Variants in TKTL1 observed in about 807,000 individuals in gnomAD.
The protein encoded by TKTL1 is transketolase-like protein 1.
In TKTL1, 1 loss-of-function variant was observed where a neutral mutation model predicts 39.3. That is an observed-to-expected ratio of 0.03 (90% CI 0.01 to 0.12). The LOEUF is 0.12. TKTL1 is among the 10% of genes least tolerant of loss of function. The probability of loss-of-function intolerance (pLI) is 1.00; values close to 1 mark genes in which losing one functional copy is unlikely to be tolerated. For missense variants in TKTL1, 575 were observed against 509.6 expected (o/e 1.13, Z -1.24); for synonymous variants, 262 against 193.8 (o/e 1.35, Z -2.92).
At chrX:154,297,415 C>T (rs782150876) in intron 1 of TKTL1, among the ~76,000 whole-genome samples, 1 of 110,708 alleles carries the variant, frequency 9.0e-6, no homozygotes, top group Non-Finnish European at 1.9e-5. Flanking sequence ...GCCACCACGC[C>T]TGGCTAATTT....
In TKTL1 at chrX:154,329,584, G is replaced by A; in HGVS notation, c.1687G>A (p.Val563Met). Residue 563 changes from valine to methionine, a missense_variant, in exon 13 of 13, where the codon GTG becomes ATG. Transcript: ENST00000369915. ...DPDIQVHSLAVSGVPQSGKSE... is the reference protein window; with the variant it reads ...DPDIQVHSLAMSGVPQSGKSE... ...TGACATTCAGGTTCATTCGCTGGCA[G>A]TGTCGGGAGTGCCCCAGAGTGGGAA... is the stretch of plus-strand genomic sequence containing the variant. 5 of 1,211,872 alleles carry A rather than the reference G, an allele frequency of 4.1e-6. No individual in the cohort carries two copies. The highest frequency in any genetic ancestry group is 5.6e-6 in the Non-Finnish European group (5 of 895,351).
chrX:154,329,018 G>A (rs2067516906), intron 12 of TKTL1, among the ~76,000 whole-genome samples: 1 of 112,340 alleles, frequency 8.9e-6, no homozygotes, highest in South Asian at 3.6e-4. Flanking sequence ...GTGTACTGGG[G>A]GCAGGTCCTG....
At chrX:154,314,007 CG>C (rs1193975508) in intron 6 of TKTL1, among the ~76,000 whole-genome samples, 1 of 108,826 alleles carries the variant, frequency 9.2e-6, no homozygotes, top group Non-Finnish European at 1.9e-5. Context: ...GTGTAAAAAG[CG>C]GGGGGACCAT....
chrX:154,312,763 T>C lies in TKTL1; in HGVS notation c.854T>C (p.Val285Ala). The change falls in exon 6 of 13, where the codon GTT (valine) becomes GCT (alanine). Residue 285 changes from valine (V) to alanine (A), a missense_variant. Coordinates refer to ENST00000369915, the MANE Select transcript of TKTL1 (RefSeq NM_012253.4). ...VRMTSPPDYRVGDKIATRKAC... is the reference protein window; with the variant it reads ...VRMTSPPDYRAGDKIATRKAC... ...ATGACCTCTCCACCTGATTACAGAG[T>C]TGGTGACAAGGTAGGCAGAAAGGTG... 1.7e-6 allele frequency: 2 copies of C among 1,201,712 alleles called. No individual in the cohort carries two copies. Among genetic ancestry groups the C allele is most frequent in the South Asian group, 3.6e-5 (2 of 55,600 alleles).
intron 8 of TKTL1, 101 bp from the exon 9 acceptor site, chrX:154,323,106 G>T: frequency 1.9e-6 from 2 of 1,061,783 alleles, no homozygotes; most frequent in Non-Finnish European, 2.5e-6. Context: ...GGGACACCCC[G>T]TGGCAATAGG....
At chrX:154,311,963 C>T (rs2067361332) in intron 5 of TKTL1, among the ~76,000 whole-genome samples, 1 of 110,747 alleles carries the variant, frequency 9.0e-6, no homozygotes. Context: ...TCTCTACTAC[C>T]ATGACTGTTG....
At chrX:154,309,510 G>A (rs1603352297) in intron 3 of TKTL1, 68 bp downstream of exon 3, 1 of 919,324 alleles carries the variant, frequency 1.1e-6, no homozygotes, top group East Asian at 3.1e-5. Flanking sequence ...GTCTCGGGGG[G>A]CAGCCACCTA....
At position 154,327,895 on chromosome X, in the gene TKTL1, A is replaced by G. The variant is rs1557172325; in HGVS notation, c.1555A>G (p.Ile519Val). Residue 519 changes from isoleucine to valine, a missense_variant, in exon 12 of 13, where the codon ATC (isoleucine) becomes GTC (valine). Coordinates refer to ENST00000369915, the MANE Select transcript of TKTL1 (RefSeq NM_012253.4). ...FTIKPLDVAT[I>V]VSSAKATEGR... The stretch of plus-strand genomic sequence containing the variant: ...CATTAAACCTCTGGATGTCGCCACC[A>G]TCGTCTCCAGTGCAAAAGCCACAGA... The G allele has an allele frequency of 2.5e-6, 3 of 1,211,626 alleles. No individual in the cohort carries two copies. Among genetic ancestry groups the G allele is most frequent in the Admixed American group, 4.3e-5 (2 of 46,029 alleles).
chrX:154,320,555 G>GC (rs2067440872), intron 7 of TKTL1: 1 of 439,643 alleles, frequency 2.3e-6, no homozygotes, highest in African/African-American at 2.4e-5. Flanking sequence ...CTCCCTAGGA[G>GC]CTATGAGTTG....
In TKTL1 at chrX:154,297,764, C is replaced by T. The variant is rs1446387687; in HGVS notation, c.134+1771C>T. ...AGATCAGCCTGGGCAAGATGGCAATCCCCTGTGCAGAATGTTACAAAAATT... is the reference window on the plus strand; with the variant it reads ...AGATCAGCCTGGGCAAGATGGCAATTCCCTGTGCAGAATGTTACAAAAATT... On this transcript the variant is annotated intron_variant, in intron 1 of 12. Coordinates refer to ENST00000369915, the MANE Select transcript of TKTL1 (RefSeq NM_012253.4). Among the ~76,000 whole-genome samples, 3 of 110,634 alleles carry T rather than the reference C, an allele frequency of 2.7e-5. No homozygotes were observed. The East Asian group carries it at 8.6e-4, about 32-fold the overall frequency.
chrX:154,295,927 T>C lies in TKTL1; in HGVS notation c.68T>C (p.Val23Ala). The C allele has an allele frequency of 8.3e-7, 1 of 1,211,140 alleles. No homozygotes were observed. Among genetic ancestry groups the C allele is most frequent in the Non-Finnish European group, 1.1e-6 (1 of 895,067 alleles). The change falls in exon 1 of 13, where the codon GTG becomes GCG. Residue 23 changes from valine (V) to alanine (A), a missense_variant. Physicochemically the swap from Val to Ala is moderately conservative, Grantham distance 64. Coordinates refer to ENST00000369915, the MANE Select transcript of TKTL1 (RefSeq NM_012253.4). Reference protein sequence around the residue: ...EARPDRGTLQVLQDMASRLRI... With the variant: ...EARPDRGTLQALQDMASRLRI... The stretch of plus-strand genomic sequence containing the variant: ...AGACCTGACAGGGGCACCTTGCAGG[T>C]GTTGCAAGATATGGCCAGCCGCTTG...
rs782432766 is a variant in TKTL1, at chrX:154,320,955, T to C, written c.1186+42T>C. 5 of 1,176,025 alleles carry C rather than the reference T, an allele frequency of 4.3e-6. No individual in the cohort carries two copies. The East Asian group carries it at 1.2e-4, about 28-fold the overall frequency. ...CCATCATCTTGGTAGCCTTCCTCCT[T>C]CACAGAGAAAGATTAGCATGTGATT... On this transcript the variant is annotated intron_variant, in intron 8 of 12. Coordinates refer to ENST00000369915, the MANE Select transcript of TKTL1 (RefSeq NM_012253.4).
chrX:154,312,738 A>C lies in TKTL1; in HGVS notation c.829A>C (p.Met277Leu). Residue 277 changes from methionine to leucine, a missense_variant, in exon 6 of 13, where the codon ATG becomes CTG. Physicochemically the swap from Met to Leu is conservative, Grantham distance 15. Transcript: ENST00000369915. ...TGAAGTCAACATCACAGATGTAAGGATGACCTCTCCACCTGATTACAGAGT... is the reference window on the plus strand; with the variant it reads ...TGAAGTCAACATCACAGATGTAAGGCTGACCTCTCCACCTGATTACAGAGT... ...SPEVNITDVR[M>L]TSPPDYRVGD... 1 of 1,210,356 alleles carries C rather than the reference A, an allele frequency of 8.3e-7. No individual in the cohort carries two copies. The highest frequency in any genetic ancestry group is 1.1e-6 in the Non-Finnish European group (1 of 894,864).
chrX:154,296,507 A>T (rs1468115223), intron 1 of TKTL1, among the ~76,000 whole-genome samples: 6 of 110,895 alleles, frequency 5.4e-5, no homozygotes, highest in African/African-American at 2.0e-4. Context: ...CTTACCAAAA[A>T]ATAAAAATAA....
At chrX:154,305,654 C>G (rs2067309360) in intron 2 of TKTL1, among the ~76,000 whole-genome samples, 1 of 111,066 alleles carries the variant, frequency 9.0e-6, no homozygotes. Context: ...TGGTCACACC[C>G]TGCCTCGCCC....
intron 7 of TKTL1, among the ~76,000 whole-genome samples, chrX:154,318,774 TAAAA>T (rs781896621): frequency 9.7e-6 from 1 of 102,647 alleles, no homozygotes; most frequent in South Asian, 4.2e-4. Context: ...GGTCTGTAAT[TAAAA>T]AAAAAAAATT....
At chrX:154,302,262 A>G (rs1557166116) in intron 1 of TKTL1, among the ~76,000 whole-genome samples, 2 of 111,304 alleles carry the variant, frequency 1.8e-5, no homozygotes, top group Non-Finnish European at 3.8e-5. Context: ...AATAGTCCTA[A>G]GAAATTTTCC....
At chrX:154,308,303 A>G (rs1282181610) in intron 2 of TKTL1, among the ~76,000 whole-genome samples, 1 of 111,931 alleles carries the variant, frequency 8.9e-6, no homozygotes, top group Non-Finnish European at 1.9e-5. Context: ...AGTGGGTGCC[A>G]TGAGTGCTAA....
chrX:154,308,046 G>A (rs1465324267), intron 2 of TKTL1, among the ~76,000 whole-genome samples: 1 of 111,784 alleles, frequency 8.9e-6, no homozygotes, highest in African/African-American at 3.3e-5. Flanking sequence ...TGATGACCTC[G>A]CTCATCTCTG....
Sources: allele counts gnomAD v4.1 joint callset (sites outside exome capture counted in the v4.1 genomes callset), GRCh38; gene constraint gnomAD v4.1.1; transcripts MANE v1.5; gene names NCBI Gene and HGNC (gene_info 2026-07-23, HGNC 2026-07-21).